The following RBFOX1 variants were observed in gnomAD, a reference collection of about 807,000 sequenced individuals.
RBFOX1 encodes the protein RNA binding protein fox-1 homolog 1.
Under a neutral mutation model 57.7 loss-of-function variants are expected in RBFOX1, and 8 were observed. That is an observed-to-expected ratio of 0.14 (90% CI 0.08 to 0.25). The LOEUF is 0.25. Ranked by LOEUF, RBFOX1 falls within the 10% of genes least tolerant of loss-of-function variation. The probability of loss-of-function intolerance (pLI) is 1.00; values close to 1 mark genes in which losing one functional copy is unlikely to be tolerated. For missense variants in RBFOX1, 611 were observed against 548.5 expected (o/e 1.11, Z -1.14); for synonymous variants, 326 against 222.4 (o/e 1.47, Z -4.15).
chr16:5,941,327 A>G (rs575559976), intron 4 of RBFOX1, among the ~76,000 whole-genome samples: 1 of 149,470 alleles, frequency 6.7e-6, no homozygotes, highest in East Asian at 2.0e-4. Flanking sequence ...TTATCTCTAC[A>G]TTTTTTTTTT....
chr16:7,228,509 A>C (rs1253264477), intron 4 of RBFOX1, among the ~76,000 whole-genome samples: 1 of 152,190 alleles, frequency 6.6e-6, no homozygotes, highest in Non-Finnish European at 1.5e-5. Flanking sequence ...ATTCATAAAG[A>C]TGGTTAATAG....
At chr16:5,909,222 A>C (rs138223951) in intron 4 of RBFOX1, among the ~76,000 whole-genome samples, 1,716 of 150,054 alleles carry the variant, frequency 0.011, 33 homozygotes, top group African/African-American at 0.04. Context: ...CCTCCCGAGT[A>C]GCTGGGACTA....
At chr16:6,085,179 C>G (rs1220786882) in intron 1 of RBFOX1, among the ~76,000 whole-genome samples, 1 of 152,162 alleles carries the variant, frequency 6.6e-6, no homozygotes, top group Non-Finnish European at 1.5e-5. Context: ...ATCCAGACCT[C>G]TCCTCCTGGC....
intron 3 of RBFOX1, among the ~76,000 whole-genome samples, chr16:6,957,522 G>C (rs537960117): frequency 2.0e-5 from 3 of 152,208 alleles, no homozygotes; most frequent in South Asian, 4.1e-4. Context: ...CACCGTGCTG[G>C]GGGGAGTGTA....
intron 2 of RBFOX1, among the ~76,000 whole-genome samples, chr16:6,560,225 T>TG (rs946266049): frequency 6.8e-6 from 1 of 147,532 alleles, no homozygotes; most frequent in African/African-American, 2.5e-5. Flanking sequence ...ATATTCTAGT[T>TG]GGGGGGAAAA....
chr16:7,078,280 G>T (rs116092918), intron 4 of RBFOX1, among the ~76,000 whole-genome samples: 216 of 152,272 alleles, frequency 1.4e-3, no homozygotes, highest in African/African-American at 5.0e-3. Context: ...ACCACCTTAG[G>T]AAGTGACCTA....
chr16:5,917,924 G>A (rs1379182679), intron 4 of RBFOX1, among the ~76,000 whole-genome samples: 1 of 151,986 alleles, frequency 6.6e-6, no homozygotes, highest in Non-Finnish European at 1.5e-5. Context: ...TTAGCTCCTA[G>A]AATATGATCC....
chr16:7,581,289 T>G (rs976997854), intron 6 of RBFOX1, among the ~76,000 whole-genome samples: 6 of 152,176 alleles, frequency 3.9e-5, no homozygotes, highest in Non-Finnish European at 7.3e-5. Flanking sequence ...CACTTTCAGG[T>G]CAAAGATGAC....
At chr16:7,534,635 A>G (rs1014224776) in intron 5 of RBFOX1, among the ~76,000 whole-genome samples, 5 of 151,892 alleles carry the variant, frequency 3.3e-5, no homozygotes, top group South Asian at 2.1e-4. Flanking sequence ...TCTTCAGACA[A>G]TTTTTTCACC....
At chr16:6,761,898 A>C (rs1025237605) in intron 3 of RBFOX1, among the ~76,000 whole-genome samples, 1 of 151,942 alleles carries the variant, frequency 6.6e-6, no homozygotes, top group African/African-American at 2.4e-5. Flanking sequence ...TCCTCACTCT[A>C]ATCCCACATT....
At chr16:6,808,399 T>G (rs2087497186) in intron 3 of RBFOX1, among the ~76,000 whole-genome samples, 1 of 152,004 alleles carries the variant, frequency 6.6e-6, no homozygotes, top group African/African-American at 2.4e-5. Flanking sequence ...CTTTCTTAAG[T>G]GCTATGGAAG....
intron 2 of RBFOX1, among the ~76,000 whole-genome samples, chr16:6,526,346 A>G (rs1280488704): frequency 6.6e-6 from 1 of 152,170 alleles, no homozygotes; most frequent in East Asian, 1.9e-4. Context: ...TACCAAGCAC[A>G]TCCAGTTATG....
At chr16:7,185,234 A>G (rs1039066966) in intron 4 of RBFOX1, among the ~76,000 whole-genome samples, 6 of 152,210 alleles carry the variant, frequency 3.9e-5, no homozygotes, top group African/African-American at 7.2e-5. Flanking sequence ...ACTTATGACC[A>G]CAGAATTAAT....
At chr16:7,483,921 G>C (rs1787984307) in intron 4 of RBFOX1, among the ~76,000 whole-genome samples, 1 of 152,212 alleles carries the variant, frequency 6.6e-6, no homozygotes, top group African/African-American at 2.4e-5. Flanking sequence ...TTTGAATTTT[G>C]ATGATTATAT....
At position 6,794,577 on chromosome 16, in the gene RBFOX1, G is replaced by T. The variant is rs576504169; in HGVS notation, c.-16+139927G>T. Among the ~76,000 whole-genome samples the T allele has an allele frequency of 2.0e-5, 3 of 152,144 alleles. No homozygotes were observed. The East Asian group carries it at 5.8e-4, about 29-fold the overall frequency. On this transcript the variant is annotated intron_variant, in intron 3 of 15. Transcript: ENST00000550418. ...CATGGTCATTTGCATAGGCTGTTTA[G>T]CAGAAAACTCATTCAGTGACCTACA...
intron 4 of RBFOX1, among the ~76,000 whole-genome samples, chr16:7,394,038 C>G (rs1030768975): frequency 6.6e-6 from 1 of 151,826 alleles, no homozygotes. Flanking sequence ...GAGTTGGAGA[C>G]CATCCTGGCC....
intron 4 of RBFOX1, among the ~76,000 whole-genome samples, chr16:7,360,581 G>A (rs2097301841): frequency 6.6e-6 from 1 of 152,166 alleles, no homozygotes; most frequent in Non-Finnish European, 1.5e-5. Flanking sequence ...GAAGTGAGGT[G>A]TTTGAAAGGA....
At chr16:7,610,424 C>T (rs1254984393) in intron 10 of RBFOX1, among the ~76,000 whole-genome samples, 1 of 151,464 alleles carries the variant, frequency 6.6e-6, no homozygotes, top group Non-Finnish European at 1.5e-5. Flanking sequence ...AATCGACTGT[C>T]TCCTATGATC....
intron 3 of RBFOX1, among the ~76,000 whole-genome samples, chr16:5,641,658 C>T (rs1288959412): frequency 6.6e-6 from 1 of 152,154 alleles, no homozygotes; most frequent in Non-Finnish European, 1.5e-5. Flanking sequence ...GGGAAGTATG[C>T]TTGGGCAGTG....
Sources: gnomAD v4.1 joint callset for allele counts (sites outside exome capture counted in the v4.1 genomes callset) on GRCh38, gnomAD v4.1.1 for gene constraint, MANE v1.5 for transcripts, NCBI Gene and HGNC (gene_info 2026-07-23, HGNC 2026-07-21) for gene names.